LOC128462377: variants seen among roughly 807,000 people sequenced by gnomAD.
At chr16:89,355,466 C>CA in the LOC128462377 span, among the ~76,000 whole-genome samples, 1 of 152,166 alleles carries the variant, frequency 6.6e-6, no homozygotes, top group Non-Finnish European at 1.5e-5. Context: ...TCAAGGCTGA[C>CA]AAGAATTCAA....
the LOC128462377 span, among the ~76,000 whole-genome samples, chr16:89,394,234 G>A: frequency 1.3e-5 from 2 of 152,234 alleles, no homozygotes; most frequent in Non-Finnish European, 2.9e-5. Context: ...TTCTGGGACT[G>A]CAGTTCCACA....
the LOC128462377 span, among the ~76,000 whole-genome samples, chr16:89,345,630 A>G: frequency 6.6e-6 from 1 of 152,360 alleles, no homozygotes. Context: ...GAAAAAAGTA[A>G]ATGGACTAAG....
At chr16:89,350,656 G>A in the LOC128462377 span, among the ~76,000 whole-genome samples, 1 of 152,204 alleles carries the variant, frequency 6.6e-6, no homozygotes, top group Non-Finnish European at 1.5e-5. Flanking sequence ...ACATGCTGCT[G>A]CAAAGAGGAA....
the LOC128462377 span, among the ~76,000 whole-genome samples, chr16:89,397,358 C>A: frequency 9.9e-5 from 15 of 152,256 alleles, no homozygotes; most frequent in Non-Finnish European, 1.6e-4. Context: ...ACTGGATGCG[C>A]ATTTACAAAA....
the LOC128462377 span, among the ~76,000 whole-genome samples, chr16:89,389,903 G>A: frequency 1.3e-4 from 15 of 117,002 alleles, no homozygotes; most frequent in Non-Finnish European, 2.1e-4. Flanking sequence ...GGGGAGCACC[G>A]AGAGAGATCA....
the LOC128462377 span, among the ~76,000 whole-genome samples, chr16:89,332,708 G>A: frequency 1.3e-5 from 2 of 152,140 alleles, no homozygotes; most frequent in Non-Finnish European, 2.9e-5. Flanking sequence ...CCTCCGGCAG[G>A]GCCTGGTCTG....
chr16:89,340,807 C>A, the LOC128462377 span, among the ~76,000 whole-genome samples: 2 of 152,172 alleles, frequency 1.3e-5, no homozygotes, highest in African/African-American at 4.8e-5. Context: ...AGAAATCACA[C>A]AGAAAATGTA....
At chr16:89,357,043 C>T in the LOC128462377 span, among the ~76,000 whole-genome samples, 3 of 152,200 alleles carry the variant, frequency 2.0e-5, no homozygotes, top group Non-Finnish European at 4.4e-5. Flanking sequence ...GGCTTGACAT[C>T]TTTTATTCTA....
At chr16:89,343,438 T>TG in the LOC128462377 span, among the ~76,000 whole-genome samples, 1 of 152,262 alleles carries the variant, frequency 6.6e-6, no homozygotes, top group Non-Finnish European at 1.5e-5. Context: ...TGTGTTTTTA[T>TG]GTGTAATCTC....
At chr16:89,370,057 G>A in the LOC128462377 span, among the ~76,000 whole-genome samples, 1 of 152,212 alleles carries the variant, frequency 6.6e-6, no homozygotes, top group Non-Finnish European at 1.5e-5. Context: ...CAAACCTTCT[G>A]GCTTCAGAGC....
At chr16:89,345,397 G>C in the LOC128462377 span, among the ~76,000 whole-genome samples, 1,155 of 152,220 alleles carry the variant, frequency 7.6e-3, 7 homozygotes, top group Admixed American at 0.011. Context: ...GTGGACGAAC[G>C]CTGGCTGCTA....
chr16:89,416,154 CTA>C, the LOC128462377 span, among the ~76,000 whole-genome samples: 1 of 152,156 alleles, frequency 6.6e-6, no homozygotes, highest in African/African-American at 2.4e-5. Flanking sequence ...CCAACATTTC[CTA>C]TGTCATCAAA....
At chr16:89,372,645 A>G in the LOC128462377 span, among the ~76,000 whole-genome samples, 1,813 of 152,270 alleles carry the variant, frequency 0.012, 12 homozygotes, top group Non-Finnish European at 0.019. Context: ...GAAAGAAAAA[A>G]ATTTTTTTGA....
chr16:89,346,524 A>G, the LOC128462377 span, among the ~76,000 whole-genome samples: 19 of 152,216 alleles, frequency 1.2e-4, no homozygotes, highest in Admixed American at 1.2e-3. Context: ...CAACTACACC[A>G]CACGCCTAAA....
chr16:89,375,006 T>C, the LOC128462377 span, among the ~76,000 whole-genome samples: 1 of 152,022 alleles, frequency 6.6e-6, no homozygotes, highest in South Asian at 2.1e-4. Context: ...CCATAAACTA[T>C]ACACAGATTA....
At chr16:89,362,781 C>T in the LOC128462377 span, among the ~76,000 whole-genome samples, 1 of 152,222 alleles carries the variant, frequency 6.6e-6, no homozygotes, top group African/African-American at 2.4e-5. Flanking sequence ...CGGCCTGTTC[C>T]TCTTCCTTAG....
At chr16:89,379,380 A>T in the LOC128462377 span, among the ~76,000 whole-genome samples, 1 of 152,222 alleles carries the variant, frequency 6.6e-6, no homozygotes, top group Non-Finnish European at 1.5e-5. Flanking sequence ...GGCTTTCATT[A>T]TATGTCGAAA....
chr16:89,317,453 G>T, the LOC128462377 span, among the ~76,000 whole-genome samples: 1 of 152,154 alleles, frequency 6.6e-6, no homozygotes, highest in Non-Finnish European at 1.5e-5. Context: ...TCCCTTCCCC[G>T]CATTACAGGC....
the LOC128462377 span, among the ~76,000 whole-genome samples, chr16:89,390,092 C>G: frequency 0.019 from 330 of 17,742 alleles, 45 homozygotes; most frequent in African/African-American, 0.037. Flanking sequence ...GGAGCACAGA[C>G]AGAGAAGATC....
Sources: gnomAD v4.1 joint callset for allele counts (sites outside exome capture counted in the v4.1 genomes callset) on GRCh38, gnomAD v4.1.1 for gene constraint, MANE v1.5 for transcripts.